Variants in NKD1 observed in about 807,000 individuals in gnomAD.
NKD1 encodes NKD inhibitor of Wnt signaling pathway 1.
NKD1 carries 21 observed loss-of-function variants against 56.0 expected under a neutral mutation model. The observed-to-expected ratio is 0.38, with a 90% CI of 0.27 to 0.54. The LOEUF (loss-of-function observed/expected upper bound fraction) is 0.54. Ranked by LOEUF, NKD1 falls within the 20% of genes least tolerant of loss-of-function variation. The pLI is 0.82. For synonymous variants in NKD1, 263 were observed against 265.7 expected (o/e 0.99, Z 0.10); for missense variants, 578 against 642.7 (o/e 0.90, Z 1.09).
rs190746803 is a variant in NKD1, at chr16:50,549,386, G to A, written c.59-36G>A. The A allele has an allele frequency of 4.5e-4, 714 of 1,601,536 alleles. 2 individuals are homozygous for A. In the African/African-American group the frequency reaches 8.4e-3, roughly 19 times the overall value. ...GCGGGGGTAACTTTTGGCACCTGGA[G>A]CCAGACTCAGGGGCTTCATGTCGTC... On this transcript the variant is annotated intron_variant, in intron 2 of 9. Transcript: ENST00000268459.
At chr16:50,567,430 T>G (rs372751174) in intron 3 of NKD1, among the ~76,000 whole-genome samples, 3 of 152,224 alleles carry the variant, frequency 2.0e-5, no homozygotes, top group Admixed American at 6.5e-5. Flanking sequence ...ATTTGATTGC[T>G]CAGGAGTTCC....
chr16:50,573,096 T>C (rs1052744370), intron 3 of NKD1, among the ~76,000 whole-genome samples: 1 of 152,248 alleles, frequency 6.6e-6, no homozygotes, highest in Non-Finnish European at 1.5e-5. Flanking sequence ...AGTAAAACTG[T>C]GTGGCCTGGA....
chr16:50,614,653 C>T (rs1407756433), intron 4 of NKD1, among the ~76,000 whole-genome samples: 1 of 151,212 alleles, frequency 6.6e-6, no homozygotes, highest in Non-Finnish European at 1.5e-5. Context: ...TTTATGGGAC[C>T]TGAAGCTTTC....
Position 50,633,147 on chromosome 16 carries a change from G to A in NKD1, c.824-45G>A. 2 of 1,543,876 alleles carry A rather than the reference G, an allele frequency of 1.3e-6. No individual in the cohort carries two copies. Among genetic ancestry groups the A allele is most frequent in the South Asian group, 2.5e-5 (2 of 80,870 alleles). ...TGTCTGGGGTATAGCGCAAGCCCCAGCACACAGTAGGTGCTCATTAAATGT... is the reference window on the plus strand; with the variant it reads ...TGTCTGGGGTATAGCGCAAGCCCCAACACACAGTAGGTGCTCATTAAATGT... On this transcript the variant is annotated intron_variant, in intron 9 of 9. Transcript: ENST00000268459. The surrounding 1 kb of genome is among the most constrained non-coding windows in gnomAD (Gnocchi z 4.9).
chr16:50,585,031 C>A (rs1378774761), intron 3 of NKD1, among the ~76,000 whole-genome samples: 5 of 152,198 alleles, frequency 3.3e-5, no homozygotes, highest in Non-Finnish European at 7.3e-5. Context: ...CCTCAGGAGT[C>A]CGAGTGCTGC....
At chr16:50,560,813 TACCCAAA>T (rs1960607940) in intron 3 of NKD1, among the ~76,000 whole-genome samples, 4 of 146,940 alleles carry the variant, frequency 2.7e-5, no homozygotes, top group Non-Finnish European at 6.0e-5. Flanking sequence ...CACACACCTA[TACCCAAA>T]CCCATCTATC....
chr16:50,612,525 T>C (rs914185475), intron 4 of NKD1, among the ~76,000 whole-genome samples: 1 of 152,148 alleles, frequency 6.6e-6, no homozygotes, highest in Non-Finnish European at 1.5e-5. Flanking sequence ...GAGGCAGGGA[T>C]GAATACATAA....
intron 3 of NKD1, among the ~76,000 whole-genome samples, chr16:50,594,249 C>T (rs1426287385): frequency 6.6e-6 from 1 of 152,248 alleles, no homozygotes. Flanking sequence ...CCTGGCCTCT[C>T]ACGTAGCTGG....
At chr16:50,570,773 A>T (rs1389422949) in intron 3 of NKD1, 1 of 981,226 alleles carries the variant, frequency 1.0e-6, no homozygotes, top group Non-Finnish European at 1.2e-6. Flanking sequence ...CACTCCCAGG[A>T]TCTATGGAGT....
intron 5 of NKD1, chr16:50,625,217 C>T (rs954243291): frequency 5.7e-6 from 3 of 522,450 alleles, no homozygotes; most frequent in Non-Finnish European, 1.0e-5. Context: ...TCTCAGAACC[C>T]CCTGTGTTTC....
At chr16:50,605,979 G>A (rs1347248014) in intron 3 of NKD1, 1 of 152,142 alleles carries the variant, frequency 6.6e-6, no homozygotes, top group Admixed American at 6.5e-5. Flanking sequence ...GTGGCTTCTG[G>A]CCTAGAGACT....
chr16:50,553,277 G>T (rs1174871357), intron 3 of NKD1, among the ~76,000 whole-genome samples: 1 of 152,240 alleles, frequency 6.6e-6, no homozygotes. Flanking sequence ...ATGCTCACAG[G>T]CTGATTGTGA....
intron 5 of NKD1, among the ~76,000 whole-genome samples, chr16:50,624,023 A>T (rs896228150): frequency 6.6e-6 from 1 of 151,806 alleles, no homozygotes; most frequent in African/African-American, 2.4e-5. Flanking sequence ...AATGGCTTAG[A>T]GCTGCAGCAG....
At chr16:50,604,946 G>T (rs1224551212) in intron 3 of NKD1, among the ~76,000 whole-genome samples, 1 of 152,244 alleles carries the variant, frequency 6.6e-6, no homozygotes, top group African/African-American at 2.4e-5. Flanking sequence ...CACTAGAGCT[G>T]CCAGCTGGGC....
chr16:50,566,490 A>T (rs1458171139), intron 3 of NKD1, among the ~76,000 whole-genome samples: 1 of 152,246 alleles, frequency 6.6e-6, no homozygotes, highest in Non-Finnish European at 1.5e-5. Flanking sequence ...TGCCTCTGAC[A>T]GTCCTGGGTC....
chr16:50,580,152 C>T (rs1005838731), intron 3 of NKD1, among the ~76,000 whole-genome samples: 1 of 152,270 alleles, frequency 6.6e-6, no homozygotes, highest in Non-Finnish European at 1.5e-5. Context: ...CTATGTCTTC[C>T]TTTGCTGGCC....
intron 3 of NKD1, among the ~76,000 whole-genome samples, chr16:50,591,456 C>A (rs542535888): frequency 6.6e-6 from 1 of 152,308 alleles, no homozygotes; most frequent in Non-Finnish European, 1.5e-5. Context: ...TGGGCAGTGG[C>A]CCTTCTGGGT....
chr16:50,561,367 A>G (rs1382975836), intron 3 of NKD1, among the ~76,000 whole-genome samples: 1 of 151,398 alleles, frequency 6.6e-6, no homozygotes, highest in Non-Finnish European at 1.5e-5. Context: ...ATTAAAGGAA[A>G]GGAGAAGGCT....
intron 3 of NKD1, chr16:50,557,519 C>T (rs1435985052): frequency 1.3e-5 from 2 of 152,194 alleles, no homozygotes; most frequent in Non-Finnish European, 2.9e-5. Flanking sequence ...AAGAAAGCTT[C>T]CTTCAACTCC....
Sources: allele counts gnomAD v4.1 joint callset (sites outside exome capture counted in the v4.1 genomes callset), GRCh38; gene constraint gnomAD v4.1.1; non-coding constraint Gnocchi (gnomAD v3.1); transcripts MANE v1.5; gene names NCBI Gene and HGNC (gene_info 2026-07-23, HGNC 2026-07-21).